Variants in GAB2 observed in about 807,000 individuals in gnomAD.
The protein encoded by GAB2 is GRB2-associated-binding protein 2.
A neutral mutation model predicts 65.5 loss-of-function variants in GAB2; 26 were observed. The observed-to-expected ratio is 0.40, with a 90% CI of 0.29 to 0.55. The LOEUF (loss-of-function observed/expected upper bound fraction) is 0.55, where lower values mean the gene tolerates loss of function less well. Ranked by LOEUF, GAB2 falls within the 20% of genes least tolerant of loss-of-function variation. The probability of loss-of-function intolerance (pLI) is 0.53; values close to 1 mark genes in which losing one functional copy is unlikely to be tolerated. For missense variants in GAB2, 884 were observed against 875.8 expected, an observed-to-expected ratio of 1.01 and a Z score of -0.12; for synonymous variants, 321 against 329.6, an observed-to-expected ratio of 0.97 and a Z score of 0.28.
intron 2 of GAB2, among the ~76,000 whole-genome samples, chr11:78,256,224 C>T (rs1216427952): frequency 2.6e-5 from 4 of 152,118 alleles, no homozygotes; most frequent in African/African-American, 9.7e-5. Context: ...TATTATTTAG[C>T]CATAGAAATA....
At chr11:78,318,480 A>G (rs867049622) in intron 1 of GAB2, among the ~76,000 whole-genome samples, 4 of 151,754 alleles carry the variant, frequency 2.6e-5, no homozygotes, top group Non-Finnish European at 5.9e-5. Flanking sequence ...TGCATAGTAG[A>G]AATATCACTT....
At chr11:78,220,236 T>TG in intron 9 of GAB2, 83 bp downstream of exon 9, 1 of 1,458,430 alleles carries the variant, frequency 6.9e-7, no homozygotes, top group South Asian at 1.2e-5. Flanking sequence ...TGCTGTTCAG[T>TG]GTTGAAGGCA....
At chr11:78,394,054 C>T (rs756095222) in intron 1 of GAB2, among the ~76,000 whole-genome samples, 7 of 152,158 alleles carry the variant, frequency 4.6e-5, no homozygotes, top group Non-Finnish European at 5.9e-5. Flanking sequence ...TTTGGGAGGC[C>T]GTGGCAGGCA....
chr11:78,380,969 T>A (rs1219665350), intron 1 of GAB2, among the ~76,000 whole-genome samples: 2 of 152,242 alleles, frequency 1.3e-5, no homozygotes, highest in Non-Finnish European at 2.9e-5. Flanking sequence ...TCTCTGCCTA[T>A]GTAAGTGAAA....
intron 2 of GAB2, among the ~76,000 whole-genome samples, chr11:78,267,292 TG>T (rs1865896442): frequency 6.6e-6 from 1 of 152,126 alleles, no homozygotes; most frequent in Non-Finnish European, 1.5e-5. Flanking sequence ...CTGGACTTAA[TG>T]GTAGAGTTCA....
chr11:78,277,498 A>T (rs1175454067), intron 2 of GAB2, among the ~76,000 whole-genome samples: 1 of 152,196 alleles, frequency 6.6e-6, no homozygotes, highest in Non-Finnish European at 1.5e-5. Context: ...GAAACTGGTG[A>T]TCAGCAGCTT....
rs147523007 is a variant in GAB2 at position 78,228,315 on chromosome 11, T to C, written c.621-1264A>G. On this transcript the variant is annotated intron_variant, in intron 3 of 9. Transcript: ENST00000361507. ...TCTTTAGCTTGTGTATGATTCTTCA[T>C]AGGATTTCACTTGGGGAAAAAAAGA... 8.5e-5 allele frequency among the ~76,000 whole-genome samples: 13 copies of C among 152,346 alleles called. No individual in the cohort carries two copies. The East Asian group carries it at 2.5e-3, about 29-fold the overall frequency.
At position 78,389,311 on chromosome 11, in the gene GAB2, C is replaced by CTT. The variant is rs113709383; in HGVS notation, c.75+28333_75+28334dup. On this transcript the variant is annotated intron_variant, in intron 1 of 9. Transcript: ENST00000361507. ...AATGACAGAAAAGCATGTGGTTTTC[C>CTT]TTTTTTTTTTTTTTGAGACAGAGTT... 8.0e-3 allele frequency among the ~76,000 whole-genome samples: 1,150 copies of CTT among 144,148 alleles called. 17 individuals are homozygous for CTT. The highest frequency in any genetic ancestry group is 0.025 in the African/African-American group (993 of 39,342). 94.6% of individuals were successfully genotyped at this position (144,148 alleles called of 152,430 possible).
At chr11:78,377,617 T>C (rs908095195) in intron 1 of GAB2, among the ~76,000 whole-genome samples, 25 of 152,164 alleles carry the variant, frequency 1.6e-4, no homozygotes, top group Non-Finnish European at 3.4e-4. Context: ...CTATTATGCT[T>C]TGGAGACAAG....
intron 1 of GAB2, among the ~76,000 whole-genome samples, chr11:78,365,761 G>C (rs1232307580): frequency 6.6e-6 from 1 of 152,074 alleles, no homozygotes; most frequent in African/African-American, 2.4e-5. Context: ...ATGAAGCCTT[G>C]GATCGCAAAA....
At chr11:78,336,480 G>GTTTTTTTTTTTTTTT (rs59349951) in intron 1 of GAB2, among the ~76,000 whole-genome samples, 2 of 127,638 alleles carry the variant, frequency 1.6e-5, no homozygotes, top group Non-Finnish European at 1.6e-5. Context: ...AATAGTTGTT[G>GTTTTTTTTTTTTTTT]TTTTTTTTTT....
Position 78,318,707 on chromosome 11 carries a change from C to T in GAB2, c.76-37806G>A, listed in dbSNP as rs537580811. On this transcript the variant is annotated intron_variant, in intron 1 of 9. Transcript: ENST00000361507. Reference sequence around the variant, plus strand: ...CTTGAACCACATTCTTATTTCTAAACGGTTTCTGACGAATTCTGAATGTCC... The same window carrying T: ...CTTGAACCACATTCTTATTTCTAAATGGTTTCTGACGAATTCTGAATGTCC... 6.6e-5 allele frequency among the ~76,000 whole-genome samples: 10 copies of T among 152,230 alleles called. No homozygotes were observed. The South Asian group carries it at 8.3e-4, about 13-fold the overall frequency.
intron 1 of GAB2, among the ~76,000 whole-genome samples, chr11:78,364,430 C>T (rs957373416): frequency 9.9e-5 from 15 of 152,198 alleles, no homozygotes; most frequent in African/African-American, 3.4e-4. Flanking sequence ...AGCACAGTAT[C>T]TATAAATACA....
chr11:78,417,049 G>C (rs1202377445), intron 1 of GAB2, among the ~76,000 whole-genome samples: 3 of 152,180 alleles, frequency 2.0e-5, no homozygotes, highest in Non-Finnish European at 4.4e-5. Flanking sequence ...AGAGACGAAC[G>C]GAATAAAGGG....
At chr11:78,358,341 T>G (rs1257462250) in intron 1 of GAB2, among the ~76,000 whole-genome samples, 1 of 151,200 alleles carries the variant, frequency 6.6e-6, no homozygotes, top group Non-Finnish European at 1.5e-5. Flanking sequence ...ATATACCTAA[T>G]GTAAACGACA....
At chr11:78,413,584 A>T (rs1486085237) in intron 1 of GAB2, among the ~76,000 whole-genome samples, 1 of 152,176 alleles carries the variant, frequency 6.6e-6, no homozygotes, top group Non-Finnish European at 1.5e-5. Context: ...ACTGAGAAGA[A>T]GGTGGGAGAA....
intron 1 of GAB2, among the ~76,000 whole-genome samples, chr11:78,310,041 A>G (rs1193293819): frequency 6.6e-6 from 1 of 151,730 alleles, no homozygotes; most frequent in Admixed American, 6.6e-5. Flanking sequence ...AAAGCCTTAC[A>G]GGCATTAGAG....
intron 2 of GAB2, among the ~76,000 whole-genome samples, chr11:78,253,606 G>C (rs1432656218): frequency 6.6e-6 from 1 of 152,018 alleles, no homozygotes; most frequent in Non-Finnish European, 1.5e-5. Context: ...TTTTTTTAAA[G>C]ACATTTTCCT....
chr11:78,391,817 G>C (rs1856837263), intron 1 of GAB2, among the ~76,000 whole-genome samples: 1 of 152,168 alleles, frequency 6.6e-6, no homozygotes. Context: ...CACAATCTGT[G>C]AGTAAAATAA....
Sources: gnomAD v4.1 joint callset for allele counts (sites outside exome capture counted in the v4.1 genomes callset) on GRCh38, gnomAD v4.1.1 for gene constraint, MANE v1.5 for transcripts, NCBI Gene and HGNC (gene_info 2026-07-23, HGNC 2026-07-21) for gene names.